Variants in CCDC62 observed in about 807,000 individuals in gnomAD.
CCDC62 encodes coiled-coil domain containing 62.
CCDC62 carries 72 observed loss-of-function variants against 80.8 expected under a neutral mutation model. That is an observed-to-expected ratio of 0.89 (90% CI 0.74 to 1.08). The LOEUF (loss-of-function observed/expected upper bound fraction) is 1.08, where lower values mean the gene tolerates loss of function less well. Ranked by LOEUF, CCDC62 falls within the 50% of genes least tolerant of loss-of-function variation. The pLI, the probability that CCDC62 is intolerant of heterozygous loss-of-function variation, is 0.00. For missense variants in CCDC62, 704 were observed against 809.4 expected (o/e 0.87, Z 1.58); for synonymous variants, 286 against 296.5 (o/e 0.96, Z 0.36).
chr12:122,802,444 A>C, intron 9 of CCDC62, among the ~76,000 whole-genome samples: 1 of 135,904 alleles, frequency 7.4e-6, no homozygotes, highest in Admixed American at 8.1e-5. Context: ...GATGGAGTCT[A>C]GCTTTGTCGC....
intron 4 of CCDC62, 44 bp from the exon 5 acceptor site, chr12:122,788,714 G>A (rs1434702676): frequency 8.1e-7 from 1 of 1,227,400 alleles, no homozygotes; most frequent in Non-Finnish European, 1.1e-6. Flanking sequence ...TGGTTAATTG[G>A]AATTTAAGAA....
At position 122,774,639 on chromosome 12, in the gene CCDC62, A is replaced by G; in HGVS notation, c.-32A>G. On this transcript the variant is annotated 5_prime_UTR_variant, in exon 1 of 13. Coordinates refer to ENST00000253079, the MANE Select transcript of CCDC62 (RefSeq NM_201435.5). ...GCGTTTCTGAGGTGACGCCGCCCAC[A>G]CCGGGCTTCTCCGGGGGCGGAGGAA... 1.6e-6 allele frequency: 2 copies of G among 1,244,326 alleles called. No individual in the cohort carries two copies. Among genetic ancestry groups the G allele is most frequent in the East Asian group, 3.2e-5 (1 of 31,596 alleles). The allele number at this position is 1,244,326 out of a possible 1,614,324, so 77.1% of individuals were successfully genotyped here. A position where few individuals can be genotyped will look rare whatever the true frequency, so the allele number is the denominator to read the frequency against.
intron 11 of CCDC62, among the ~76,000 whole-genome samples, chr12:122,819,223 G>A (rs897729490): frequency 2.6e-5 from 4 of 152,110 alleles, no homozygotes; most frequent in African/African-American, 7.2e-5. Context: ...GCTAGGTACC[G>A]AAAAAGCAAA....
chr12:122,825,954 C>T (rs969200860), intron 12 of CCDC62, among the ~76,000 whole-genome samples: 6 of 140,084 alleles, frequency 4.3e-5, no homozygotes, highest in African/African-American at 1.6e-4. Context: ...GATTTGGCCA[C>T]TGCACTCCAG....
rs2031274602 is a variant in CCDC62, at chr12:122,801,108, T to C, written c.978-16T>C. ...TATATCTTATAACCTCCATTTTTTT[T>C]CTAATGCCACCATAGCAGAGACATG... On this transcript the variant is annotated splice_polypyrimidine_tract_variant and intron_variant, in intron 8 of 12. Coordinates refer to ENST00000253079, the MANE Select transcript of CCDC62 (RefSeq NM_201435.5). 1.3e-6 allele frequency: 2 copies of C among 1,586,466 alleles called. No individual in the cohort carries two copies. Among genetic ancestry groups the C allele is most frequent in the Non-Finnish European group, 1.7e-6 (2 of 1,170,450 alleles).
chr12:122,785,586 C>T (rs2030161143), intron 3 of CCDC62, 133 bp from the exon 4 acceptor site: 1 of 680,032 alleles, frequency 1.5e-6, no homozygotes, highest in African/African-American at 1.8e-5. Context: ...ACTCCATTAC[C>T]AACTCTTTTT....
chr12:122,810,046 G>A (rs2135574683), intron 10 of CCDC62, among the ~76,000 whole-genome samples: 1 of 152,154 alleles, frequency 6.6e-6, no homozygotes, highest in East Asian at 1.9e-4. Flanking sequence ...TTAAATGTTA[G>A]ACCTAAAACC....
At chr12:122,782,793 A>G (rs901741691) in intron 3 of CCDC62, among the ~76,000 whole-genome samples, 7 of 150,764 alleles carry the variant, frequency 4.6e-5, no homozygotes, top group African/African-American at 1.7e-4. Flanking sequence ...TTAGTGGCAT[A>G]TTGGGAATAA....
chr12:122,810,858 G>A (rs372812835), intron 10 of CCDC62, among the ~76,000 whole-genome samples: 44 of 152,156 alleles, frequency 2.9e-4, no homozygotes, highest in African/African-American at 1.0e-3. Context: ...TGATGAGTTC[G>A]TGTCCTTTGT....
At chr12:122,788,410 A>C (rs1349667053) in intron 4 of CCDC62, among the ~76,000 whole-genome samples, 1 of 152,142 alleles carries the variant, frequency 6.6e-6, no homozygotes, top group African/African-American at 2.4e-5. Flanking sequence ...CTGCTATTAT[A>C]GTTTCTTAGG....
intron 6 of CCDC62, among the ~76,000 whole-genome samples, chr12:122,797,039 C>T (rs1018976910): frequency 7.9e-5 from 12 of 151,898 alleles, no homozygotes; most frequent in African/African-American, 2.9e-4. Context: ...CCACCACACC[C>T]GGCTAAATTT....
intron 10 of CCDC62, among the ~76,000 whole-genome samples, chr12:122,811,144 A>G (rs1184829457): frequency 2.0e-5 from 3 of 151,968 alleles, no homozygotes; most frequent in Admixed American, 1.3e-4. Flanking sequence ...CGTTATGCAC[A>G]TGTACCCTAG....
chr12:122,816,024 C>T (rs1798561), intron 11 of CCDC62, among the ~76,000 whole-genome samples: 17,033 of 151,966 alleles, frequency 0.11, 2,251 homozygotes, highest in African/African-American at 0.32. Context: ...TTCTATGTGC[C>T]GCGAATAGAT....
Position 122,823,641 on chromosome 12 carries a change from GA to G in CCDC62, c.*40+185del, listed in dbSNP as rs201440061. Among the ~76,000 whole-genome samples the G allele has an allele frequency of 1.8e-3, 262 of 148,924 alleles. 3 individuals carry two copies. The highest frequency in any genetic ancestry group is 2.4e-4 in the Non-Finnish European group (16 of 67,502). ...GAGTAAAATGTCAATTACTTGCAAA[GA>G]AATGCAGATCAAAAAGTTCTCCTGC... On this transcript the variant is annotated intron_variant, in intron 12 of 12. Coordinates refer to ENST00000253079, the MANE Select transcript of CCDC62 (RefSeq NM_201435.5).
intron 12 of CCDC62, 96 bp downstream of exon 12, chr12:122,823,555 T>C: frequency 1.5e-6 from 1 of 673,554 alleles, no homozygotes; most frequent in South Asian, 1.9e-5. Context: ...CATGCATTTG[T>C]TTGACTTGTA....
intron 12 of CCDC62, 79 bp from the exon 13 acceptor site, chr12:122,826,343 C>A: frequency 1.6e-6 from 1 of 643,854 alleles, no homozygotes; most frequent in Non-Finnish European, 3.0e-6. Flanking sequence ...ATATTTTAGA[C>A]GCCAGGAGCT....
At chr12:122,824,731 G>A (rs2032547172) in intron 12 of CCDC62, among the ~76,000 whole-genome samples, 1 of 152,070 alleles carries the variant, frequency 6.6e-6, no homozygotes, top group African/African-American at 2.4e-5. Context: ...AGCACAATTC[G>A]CAATTGCAAA....
At chr12:122,817,042 T>A (rs1364510647) in intron 11 of CCDC62, among the ~76,000 whole-genome samples, 1 of 150,218 alleles carries the variant, frequency 6.7e-6, no homozygotes, top group Non-Finnish European at 1.5e-5. Context: ...TATTTTTAAA[T>A]TTTATTTATT....
At chr12:122,779,240 A>AT (rs1298873551) in intron 2 of CCDC62, among the ~76,000 whole-genome samples, 1 of 152,192 alleles carries the variant, frequency 6.6e-6, no homozygotes, top group Non-Finnish European at 1.5e-5. Flanking sequence ...TTGAGATACT[A>AT]TTTTACCTTT....
Sources: gnomAD v4.1 joint callset for allele counts (sites outside exome capture counted in the v4.1 genomes callset) on GRCh38, gnomAD v4.1.1 for gene constraint, MANE v1.5 for transcripts, NCBI Gene and HGNC (gene_info 2026-07-23, HGNC 2026-07-21) for gene names.